Variants in AFF3 observed in about 807,000 individuals in gnomAD.
AFF3 encodes AF4/FMR2 family member 3.
Under a neutral mutation model 129.7 loss-of-function variants are expected in AFF3, and 32 were observed. That is an observed-to-expected ratio of 0.25 (90% CI 0.19 to 0.33). AFF3 has a LOEUF of 0.33. Ranked by LOEUF, AFF3 falls within the 10% of genes least tolerant of loss-of-function variation. AFF3 has a pLI of 1.00. For missense variants in AFF3, 1,373 were observed against 1,592.0 expected (o/e 0.86, Z 2.34); for synonymous variants, 644 against 635.4 (o/e 1.01, Z -0.20).
chr2:99,817,950 C>A (rs911435133), intron 8 of AFF3, among the ~76,000 whole-genome samples: 46 of 152,130 alleles, frequency 3.0e-4, no homozygotes, highest in African/African-American at 1.1e-3. Context: ...ATTTTAGATG[C>A]CTTTGCCTTC....
intron 10 of AFF3, among the ~76,000 whole-genome samples, chr2:99,743,259 C>T (rs1328685185): frequency 6.6e-6 from 1 of 152,216 alleles, no homozygotes. Context: ...TGCTGCTTCC[C>T]AGTGCATTTG....
chr2:100,105,363 C>A, intron 3 of AFF3, 141 bp downstream of exon 3: 1 of 1,252,082 alleles, frequency 8.0e-7, no homozygotes, highest in Non-Finnish European at 1.0e-6. Context: ...CCCGCAAGTT[C>A]AGCGAAATAA....
At chr2:100,019,587 GCA>G (rs1358782737) in intron 4 of AFF3, among the ~76,000 whole-genome samples, 1 of 152,176 alleles carries the variant, frequency 6.6e-6, no homozygotes, top group Non-Finnish European at 1.5e-5. Context: ...TTTGGTACAG[GCA>G]GTTTGTCAGC....
intron 7 of AFF3, among the ~76,000 whole-genome samples, chr2:99,933,597 T>C (rs1674250224): frequency 1.3e-5 from 2 of 152,110 alleles, no homozygotes; most frequent in Admixed American, 6.5e-5. Context: ...CATGCAGTGT[T>C]TGGTTTTCTG....
chr2:99,729,523 T>C (rs1679636981), intron 10 of AFF3, among the ~76,000 whole-genome samples: 1 of 152,136 alleles, frequency 6.6e-6, no homozygotes, highest in Non-Finnish European at 1.5e-5. Context: ...AGGAACGAGA[T>C]GGGATTAAAA....
At chr2:99,740,791 T>G (rs1458753806) in intron 10 of AFF3, among the ~76,000 whole-genome samples, 1 of 151,920 alleles carries the variant, frequency 6.6e-6, no homozygotes, top group African/African-American at 2.4e-5. Context: ...GGTAGTTTCT[T>G]TTGCTGTGCA....
intron 8 of AFF3, among the ~76,000 whole-genome samples, chr2:99,760,587 G>A (rs541788545): frequency 1.6e-4 from 25 of 152,236 alleles, no homozygotes; most frequent in African/African-American, 6.0e-4. Context: ...CTGATCCCAC[G>A]TCACTGTAGC....
intron 7 of AFF3, among the ~76,000 whole-genome samples, chr2:99,938,308 C>T (rs145931393): frequency 2.4e-4 from 37 of 152,248 alleles, no homozygotes; most frequent in Middle Eastern, 3.4e-3. Flanking sequence ...TTATTTGACC[C>T]GTCTGACTGC....
chr2:99,824,427 T>C (rs925923147), intron 8 of AFF3, among the ~76,000 whole-genome samples: 6 of 152,212 alleles, frequency 3.9e-5, no homozygotes, highest in Non-Finnish European at 7.3e-5. Context: ...AAATCCTTAA[T>C]ATTTTTAATT....
At chr2:99,680,727 TTTG>T (rs1343351572) in intron 11 of AFF3, among the ~76,000 whole-genome samples, 1 of 152,208 alleles carries the variant, frequency 6.6e-6, no homozygotes, top group Admixed American at 6.5e-5. Context: ...CAGGTTAAGA[TTTG>T]TTCTTTGGTT....
chr2:100,083,840 G>A (rs1200308311), intron 4 of AFF3, among the ~76,000 whole-genome samples: 2 of 152,028 alleles, frequency 1.3e-5, no homozygotes, highest in African/African-American at 2.4e-5. Flanking sequence ...AGGCAGAGAG[G>A]GAGAGAAGGG....
chr2:99,652,554 T>G (rs1215202072), intron 12 of AFF3, among the ~76,000 whole-genome samples: 2 of 151,748 alleles, frequency 1.3e-5, no homozygotes, highest in Non-Finnish European at 2.9e-5. Context: ...TAAGGGGAAT[T>G]GAGACAACTT....
rs76165346 is a variant in AFF3, at chr2:100,013,872, A to G, written c.54-4940T>C. Among the ~76,000 whole-genome samples, 582 of 152,308 alleles carry G rather than the reference A, an allele frequency of 3.8e-3. 15 individuals carry two copies. In the East Asian group the frequency reaches 0.067, roughly 18 times the overall value. ...GAAGTGAATAAAAAAATAAAAAATG[A>G]TAAGATTCTAAAGTTGCCCAGCGAG... On this transcript the variant is annotated intron_variant, in intron 4 of 24. Transcript: ENST00000672756.
chr2:99,808,914 T>C (rs1686568464), intron 8 of AFF3, among the ~76,000 whole-genome samples: 2 of 152,364 alleles, frequency 1.3e-5, no homozygotes, highest in Non-Finnish European at 2.9e-5. Flanking sequence ...AAACACTGAA[T>C]TTACTTAATG....
At chr2:99,775,145 T>A (rs531372041) in intron 8 of AFF3, among the ~76,000 whole-genome samples, 17 of 152,146 alleles carry the variant, frequency 1.1e-4, no homozygotes, top group African/African-American at 3.9e-4. Flanking sequence ...TTGGTGGGAG[T>A]GTAAATTCAA....
intron 7 of AFF3, among the ~76,000 whole-genome samples, chr2:99,940,535 C>T (rs1159435297): frequency 6.6e-6 from 1 of 152,188 alleles, no homozygotes; most frequent in African/African-American, 2.4e-5. Context: ...CTCTGGTCGT[C>T]CTCACTGCTG....
At chr2:99,738,279 T>C (rs1680423343) in intron 10 of AFF3, among the ~76,000 whole-genome samples, 1 of 152,148 alleles carries the variant, frequency 6.6e-6, no homozygotes, top group Non-Finnish European at 1.5e-5. Context: ...ACTGGCTGTG[T>C]ATCTTCAATC....
intron 11 of AFF3, among the ~76,000 whole-genome samples, chr2:99,678,328 G>A (rs911676473): frequency 4.6e-5 from 7 of 152,180 alleles, no homozygotes; most frequent in African/African-American, 1.7e-4. Flanking sequence ...GCTGGCGCCT[G>A]CATTTTTGAG....
intron 7 of AFF3, among the ~76,000 whole-genome samples, chr2:99,990,322 A>G (rs993172458): frequency 1.3e-5 from 2 of 152,188 alleles, no homozygotes; most frequent in African/African-American, 4.8e-5. Flanking sequence ...TTTTGTGAGG[A>G]ATAAAACCAA....
Sources: gnomAD v4.1 joint callset for allele counts (sites outside exome capture counted in the v4.1 genomes callset) on GRCh38, gnomAD v4.1.1 for gene constraint, MANE v1.5 for transcripts, NCBI Gene and HGNC (gene_info 2026-07-23, HGNC 2026-07-21) for gene names.